ZBTB46: variants seen among roughly 807,000 people sequenced by gnomAD.
The protein encoded by ZBTB46 is zinc finger and BTB domain containing 46, also known as zinc finger and BTB domain-containing protein 46.
In ZBTB46, 8 loss-of-function variants were observed where a neutral mutation model predicts 44.1. The ratio of observed to expected loss-of-function variants is 0.18; its 90% CI spans 0.11 to 0.33. ZBTB46 has a LOEUF of 0.33. Ranked by LOEUF, ZBTB46 falls within the 10% of genes least tolerant of loss-of-function variation. The pLI, the probability that ZBTB46 is intolerant of heterozygous loss-of-function variation, is 1.00. For missense variants in ZBTB46, 651 were observed against 847.7 expected (o/e 0.77, Z 2.88); for synonymous variants, 409 against 382.3 (o/e 1.07, Z -0.81).
At chr20:63,769,264 G>C in intron 3 of ZBTB46, 1 of 985,442 alleles carries the variant, frequency 1.0e-6, no homozygotes, top group South Asian at 4.7e-5. Context: ...GCTGGGGGAG[G>C]CTGTGCCGGC....
chr20:63,797,215 A>C (rs1488637760), intron 1 of ZBTB46, among the ~76,000 whole-genome samples: 2 of 130,884 alleles, frequency 1.5e-5, no homozygotes, highest in African/African-American at 5.9e-5. Flanking sequence ...AAGTGTTCTC[A>C]TTGTTCAATT....
At chr20:63,762,131 T>G (rs994394934) in intron 3 of ZBTB46, among the ~76,000 whole-genome samples, 8 of 152,184 alleles carry the variant, frequency 5.3e-5, no homozygotes, top group African/African-American at 1.9e-4. Context: ...ATTAGCTAAC[T>G]GAATCCAATA....
At chr20:63,804,708 A>G (rs2092670354) in intron 1 of ZBTB46, among the ~76,000 whole-genome samples, 1 of 151,942 alleles carries the variant, frequency 6.6e-6, no homozygotes, top group Admixed American at 6.6e-5. Flanking sequence ...CCTGGCCAAC[A>G]TGGTGAAACC....
At position 63,787,006 on chromosome 20, in the gene ZBTB46, GCAA is replaced by G. The variant is rs1483084794; in HGVS notation, c.937+2812_937+2814del. 6.6e-6 allele frequency among the ~76,000 whole-genome samples: 1 copy of G among 152,180 alleles called. No homozygotes were observed. Among genetic ancestry groups the G allele is most frequent in the Non-Finnish European group, 1.5e-5 (1 of 68,038 alleles). ...GCCGTAGCTCAGTGCAGGACGCACA[GCAA>G]CAACAGATGAGAATGAATAAAATCT... On this transcript the variant is annotated intron_variant, in intron 2 of 4. Coordinates refer to ENST00000245663, the MANE Select transcript of ZBTB46 (RefSeq NM_001369741.1). This position sits in a 1 kb window ranked among gnomAD's most constrained non-coding sequence, Gnocchi z 4.6.
At chr20:63,786,727 G>T (rs1002658963) in intron 2 of ZBTB46, among the ~76,000 whole-genome samples, 1 of 152,124 alleles carries the variant, frequency 6.6e-6, no homozygotes, top group Admixed American at 6.6e-5. Flanking sequence ...GGCCACGATG[G>T]TCTCGATCTC....
chr20:63,779,406 A>T lies in ZBTB46; in HGVS notation c.938-3444T>A, dbSNP rs866932504. ...CAGGTGCGTGCCACCACGCCGGCTA[A>T]TTTTTTTTTTTTTTTTTTTTTTTTT... On this transcript the variant is annotated intron_variant, in intron 2 of 4. Coordinates refer to ENST00000245663, the MANE Select transcript of ZBTB46 (RefSeq NM_001369741.1). 1.3e-3 allele frequency among the ~76,000 whole-genome samples: 139 copies of T among 105,564 alleles called. 1 individual carries two copies. Among genetic ancestry groups the T allele is most frequent in the African/African-American group, 5.2e-3 (130 of 24,940 alleles). 69.3% of individuals were successfully genotyped at this position (105,564 alleles called of 152,430 possible). A position where few individuals can be genotyped will look rare whatever the true frequency, so the allele number is the denominator to read the frequency against.
intron 1 of ZBTB46, among the ~76,000 whole-genome samples, chr20:63,795,017 T>A (rs953437181): frequency 6.6e-6 from 1 of 152,074 alleles, no homozygotes; most frequent in East Asian, 1.9e-4. Context: ...CTCCAAAGAG[T>A]GGGTGCTGCG....
chr20:63,804,963 C>G (rs2092672493), intron 1 of ZBTB46, among the ~76,000 whole-genome samples: 1 of 150,070 alleles, frequency 6.7e-6, no homozygotes, highest in African/African-American at 2.5e-5. Flanking sequence ...GCTCTGTTGC[C>G]AGGTTGGAGT....
At chr20:63,756,461 T>A (rs2092221120) in intron 3 of ZBTB46, among the ~76,000 whole-genome samples, 1 of 152,248 alleles carries the variant, frequency 6.6e-6, no homozygotes, top group South Asian at 2.1e-4. Context: ...CCGAAAGGGA[T>A]CCAAACATCA....
In ZBTB46 at chr20:63,803,455, C is replaced by G; in HGVS notation, c.-33-12665G>C. 1 of 985,376 alleles carries G rather than the reference C, an allele frequency of 1.0e-6. No individual in the cohort carries two copies. The highest frequency in any genetic ancestry group is 1.2e-6 in the Non-Finnish European group (1 of 829,914). 61.0% of individuals were successfully genotyped at this position (985,376 alleles called of 1,614,324 possible). On this transcript the variant is annotated intron_variant, in intron 1 of 4. Transcript: ENST00000245663. This position sits in a 1 kb window ranked among gnomAD's most constrained non-coding sequence, Gnocchi z 4.0. Reference sequence around the variant, plus strand: ...ACCGGTGGTACTATCCACATCATCTCCAGTGAGCAAGTGGGTGCTGGCGAT... The same window carrying G: ...ACCGGTGGTACTATCCACATCATCTGCAGTGAGCAAGTGGGTGCTGGCGAT...
chr20:63,832,912 C>G (rs2146126210), upstream of ZBTB46, among the ~76,000 whole-genome samples: 1 of 152,044 alleles, frequency 6.6e-6, no homozygotes, highest in South Asian at 2.1e-4. The surrounding 1 kb of genome is among the most constrained non-coding windows in gnomAD (Gnocchi z 5.0). Flanking sequence ...CCTGCCCACC[C>G]AGAGCCCAGT....
intron 3 of ZBTB46, among the ~76,000 whole-genome samples, chr20:63,756,785 G>A (rs186157703): frequency 7.9e-5 from 12 of 152,318 alleles, no homozygotes; most frequent in East Asian, 3.9e-4. Flanking sequence ...TCCTACCCTC[G>A]TGTTGGGCTT....
At chr20:63,747,542 G>T (rs534769183) in intron 4 of ZBTB46, among the ~76,000 whole-genome samples, 1 of 103,678 alleles carries the variant, frequency 9.6e-6, no homozygotes, top group African/African-American at 3.8e-5. Flanking sequence ...TGGGTGGGGG[G>T]GGTGCGGGGG....
chr20:63,798,638 G>A (rs1186779317), intron 1 of ZBTB46, among the ~76,000 whole-genome samples: 2 of 127,456 alleles, frequency 1.6e-5, no homozygotes, highest in African/African-American at 6.1e-5. Flanking sequence ...TCATGCCACT[G>A]CACTCCAGCC....
intron 1 of ZBTB46, among the ~76,000 whole-genome samples, chr20:63,792,742 T>C (rs1259902258): frequency 2.0e-5 from 3 of 152,166 alleles, no homozygotes; most frequent in African/African-American, 7.2e-5. Context: ...GGTTTCAAAC[T>C]CCTGACCTCA....
At chr20:63,822,365 C>T (rs982895709) in intron 1 of ZBTB46, among the ~76,000 whole-genome samples, 5 of 152,168 alleles carry the variant, frequency 3.3e-5, no homozygotes, top group African/African-American at 1.2e-4. Flanking sequence ...ACACGGGCCC[C>T]CAATGAGAAA....
At chr20:63,755,113 TA>T (rs2092207719) in intron 3 of ZBTB46, among the ~76,000 whole-genome samples, 2 of 152,230 alleles carry the variant, frequency 1.3e-5, no homozygotes, top group African/African-American at 4.8e-5. Flanking sequence ...CCCGTGAGAA[TA>T]AACGCCACGG....
rs2145728478 is a variant in ZBTB46, at chr20:63,744,241, A to G, written c.*2689T>C. The stretch of plus-strand genomic sequence containing the variant: ...AGTTTTTGCATTTTCTCAGTTTTTT[A>G]AAGAGGAAGATGTGCAAAGTTGGAA... On this transcript the variant is annotated 3_prime_UTR_variant, in exon 5 of 5. Transcript: ENST00000245663. The G allele has an allele frequency of 6.6e-6, 1 of 152,302 alleles. No individual in the cohort carries two copies. Among genetic ancestry groups the G allele is most frequent in the South Asian group, 2.1e-4 (1 of 4,828 alleles). 9.4% of individuals were successfully genotyped at this position (152,302 alleles called of 1,614,324 possible).
chr20:63,808,433 G>A (rs1291530727), intron 1 of ZBTB46, among the ~76,000 whole-genome samples: 1 of 152,150 alleles, frequency 6.6e-6, no homozygotes, highest in African/African-American at 2.4e-5. Context: ...CGGAGGTCAC[G>A]GACAGGGTCA....
Sources: allele counts gnomAD v4.1 joint callset (sites outside exome capture counted in the v4.1 genomes callset), GRCh38; gene constraint gnomAD v4.1.1; non-coding constraint Gnocchi (gnomAD v3.1); transcripts MANE v1.5; gene names NCBI Gene and HGNC (gene_info 2026-07-23, HGNC 2026-07-21).